The following GRID1 variants were observed in gnomAD, a reference collection of about 807,000 sequenced individuals.
The protein encoded by GRID1 is glutamate ionotropic receptor delta type subunit 1.
A neutral mutation model predicts 98.0 loss-of-function variants in GRID1; 28 were observed. The ratio of observed to expected loss-of-function variants is 0.29; its 90% CI spans 0.21 to 0.39. GRID1 has a LOEUF of 0.39. Ranked by LOEUF, GRID1 falls within the 10% of genes least tolerant of loss-of-function variation. The pLI, the probability that GRID1 is intolerant of heterozygous loss-of-function variation, is 1.00. For synonymous variants in GRID1, 553 were observed against 538.5 expected (o/e 1.03, Z -0.37); for missense variants, 1,111 against 1,340.5 (o/e 0.83, Z 2.67).
intron 4 of GRID1, among the ~76,000 whole-genome samples, chr10:86,032,968 TATAA>T (rs758055757): frequency 1.4e-4 from 21 of 150,432 alleles, no homozygotes; most frequent in African/African-American, 3.7e-4. Flanking sequence ...AAAAAATAAA[TATAA>T]ATAAATAAAT....
At chr10:85,960,774 C>G (rs567709373) in intron 4 of GRID1, among the ~76,000 whole-genome samples, 1 of 152,228 alleles carries the variant, frequency 6.6e-6, no homozygotes, top group Admixed American at 6.5e-5. Context: ...CACGGCCACA[C>G]CAGCCTTGCT....
chr10:86,155,042 C>T (rs1845225100), intron 3 of GRID1, among the ~76,000 whole-genome samples: 2 of 152,248 alleles, frequency 1.3e-5, no homozygotes, highest in Admixed American at 1.3e-4. Flanking sequence ...AAAGCCCCTG[C>T]CCTGAGTCTT....
intron 13 of GRID1, among the ~76,000 whole-genome samples, chr10:85,639,212 C>G (rs1408895078): frequency 1.3e-5 from 2 of 152,172 alleles, no homozygotes; most frequent in African/African-American, 2.4e-5. Context: ...AAGGTTTATT[C>G]ATACAATAGA....
intron 8 of GRID1, among the ~76,000 whole-genome samples, chr10:85,804,670 A>G (rs1347989258): frequency 1.3e-5 from 2 of 151,904 alleles, no homozygotes; most frequent in Non-Finnish European, 2.9e-5. Flanking sequence ...AGGTTGTTTT[A>G]CCTTTCAAAA....
At chr10:86,154,700 C>A (rs1845219751) in intron 3 of GRID1, among the ~76,000 whole-genome samples, 1 of 152,220 alleles carries the variant, frequency 6.6e-6, no homozygotes, top group Non-Finnish European at 1.5e-5. Context: ...AATGCAATTT[C>A]TTGTCCAGGA....
intron 3 of GRID1, among the ~76,000 whole-genome samples, chr10:86,166,128 T>C (rs1454997636): frequency 6.6e-6 from 1 of 152,194 alleles, no homozygotes; most frequent in East Asian, 1.9e-4. Flanking sequence ...TTTTTTATTA[T>C]TATACTTTAA....
At chr10:85,852,580 A>G (rs1462509996) in intron 8 of GRID1, among the ~76,000 whole-genome samples, 2 of 152,182 alleles carry the variant, frequency 1.3e-5, no homozygotes, top group Non-Finnish European at 2.9e-5. Flanking sequence ...ACTTCAAAAT[A>G]AGACTTGGGG....
chr10:85,643,497 AGAGGGGCCGCTCCATAG>A (rs1018130301), intron 13 of GRID1, among the ~76,000 whole-genome samples: 1 of 152,188 alleles, frequency 6.6e-6, no homozygotes, highest in Non-Finnish European at 1.5e-5. Flanking sequence ...GGCAGGGAGC[AGAGGGGCCGCTCCATAG>A]GAGTAGGGAA....
At chr10:86,335,905 C>T (rs1435929614) in intron 2 of GRID1, among the ~76,000 whole-genome samples, 2 of 152,248 alleles carry the variant, frequency 1.3e-5, no homozygotes, top group Non-Finnish European at 2.9e-5. Context: ...TGTGAAGGGA[C>T]TGGGTATGCA....
At chr10:86,279,689 T>G (rs900265122) in intron 2 of GRID1, among the ~76,000 whole-genome samples, 2 of 152,040 alleles carry the variant, frequency 1.3e-5, no homozygotes, top group Non-Finnish European at 2.9e-5. Flanking sequence ...CCTCCTAAGA[T>G]CAGAAAAAAG....
At chr10:85,919,138 G>T (rs1415282745) in intron 4 of GRID1, among the ~76,000 whole-genome samples, 2 of 152,224 alleles carry the variant, frequency 1.3e-5, no homozygotes, top group Non-Finnish European at 2.9e-5. Context: ...CAGGTGAGAG[G>T]TTCTCTGCTT....
At chr10:86,271,134 T>C (rs1847179026) in intron 2 of GRID1, among the ~76,000 whole-genome samples, 2 of 152,152 alleles carry the variant, frequency 1.3e-5, no homozygotes. Flanking sequence ...AGGAGAAGAA[T>C]CATCCAAAAG....
chr10:86,366,249 G>T lies in GRID1; in HGVS notation c.79+65C>A. 3 of 1,184,136 alleles carry T rather than the reference G, an allele frequency of 2.5e-6. No individual in the cohort carries two copies. The highest frequency in any genetic ancestry group is 3.4e-6 in the Non-Finnish European group (3 of 869,814). The allele number at this position is 1,184,136 out of a possible 1,614,324, so 73.4% of individuals were successfully genotyped here. ...GCCCAGGGAAACGCCAAGTTTGGAC[G>T]CCGCGCACCCCCTGCCCCGTTGGGG... On this transcript the variant is annotated intron_variant, in intron 1 of 15. Transcript: ENST00000327946. This position sits in a 1 kb window ranked among gnomAD's most constrained non-coding sequence, Gnocchi z 4.1.
chr10:86,354,051 A>C (rs1848499899), intron 2 of GRID1, among the ~76,000 whole-genome samples: 1 of 152,218 alleles, frequency 6.6e-6, no homozygotes, highest in Non-Finnish European at 1.5e-5. Context: ...CTGGGCACTC[A>C]GATGAAAAGG....
chr10:86,077,953 G>A (rs914630272), intron 4 of GRID1, among the ~76,000 whole-genome samples: 2 of 152,256 alleles, frequency 1.3e-5, no homozygotes, highest in Admixed American at 6.5e-5. Flanking sequence ...AAGGCTCACT[G>A]GGAAGGATCC....
At chr10:86,131,434 C>T (rs2131966687) in intron 4 of GRID1, among the ~76,000 whole-genome samples, 1 of 152,292 alleles carries the variant, frequency 6.6e-6, no homozygotes. Context: ...GCCATAGATA[C>T]TCTGCAGGGA....
intron 13 of GRID1, among the ~76,000 whole-genome samples, chr10:85,634,195 T>G (rs1487570842): frequency 7.1e-6 from 1 of 140,468 alleles, no homozygotes. Flanking sequence ...AGTTTACCAG[T>G]AGAGGGGCTT....
chr10:85,797,781 C>T (rs191793494), intron 8 of GRID1, among the ~76,000 whole-genome samples: 77 of 152,194 alleles, frequency 5.1e-4, no homozygotes, highest in Non-Finnish European at 8.4e-4. Context: ...TGTTTCTTTC[C>T]ATCTGTGCTC....
intron 3 of GRID1, among the ~76,000 whole-genome samples, chr10:86,159,702 A>G (rs577837170): frequency 6.6e-6 from 1 of 152,238 alleles, no homozygotes; most frequent in African/African-American, 2.4e-5. Context: ...TTCATGGGAC[A>G]GAGGCAGGGG....
Sources: gnomAD v4.1 joint callset for allele counts (sites outside exome capture counted in the v4.1 genomes callset) on GRCh38, gnomAD v4.1.1 for gene constraint, Gnocchi (gnomAD v3.1) non-coding constraint, MANE v1.5 for transcripts, NCBI Gene and HGNC (gene_info 2026-07-23, HGNC 2026-07-21) for gene names.